CEP128: variants seen among roughly 807,000 people sequenced by gnomAD.
CEP128 encodes the protein centrosomal protein 128kDa.
CEP128 carries 132 observed loss-of-function variants against 156.7 expected under a neutral mutation model. The ratio of observed to expected loss-of-function variants is 0.84; its 90% CI spans 0.73 to 0.97. The LOEUF is 0.97. Ranked by LOEUF, CEP128 falls within the 50% of genes least tolerant of loss-of-function variation. The probability of loss-of-function intolerance (pLI) is 0.00; values close to 1 mark genes in which losing one functional copy is unlikely to be tolerated. For synonymous variants in CEP128, 469 were observed against 448.9 expected, an observed-to-expected ratio of 1.04 and a Z score of -0.57; for missense variants, 1,252 against 1,281.9, an observed-to-expected ratio of 0.98 and a Z score of 0.36.
chr14:80,769,137 C>T (rs327468), intron 16 of CEP128, among the ~76,000 whole-genome samples: 7,032 of 151,590 alleles, frequency 0.046, 535 homozygotes, highest in African/African-American at 0.16. Context: ...GCATTTGGAA[C>T]GAACATTGTT....
intron 2 of CEP128, among the ~76,000 whole-genome samples, chr14:80,935,106 T>G (rs963425771): frequency 6.6e-6 from 1 of 152,174 alleles, no homozygotes; most frequent in African/African-American, 2.4e-5. Flanking sequence ...GCAAGAAGAC[T>G]ATTTCCGAAA....
chr14:80,552,742 T>C (rs1211933557), intron 21 of CEP128, among the ~76,000 whole-genome samples: 1 of 152,216 alleles, frequency 6.6e-6, no homozygotes, highest in Non-Finnish European at 1.5e-5. Context: ...TTTTGTCCCT[T>C]TTAAAAGCTT....
intron 9 of CEP128, among the ~76,000 whole-genome samples, chr14:80,858,742 G>C (rs953495696): frequency 6.6e-6 from 1 of 151,602 alleles, no homozygotes; most frequent in Middle Eastern, 3.2e-3. Context: ...CGAAGGACAT[G>C]AACAGACACT....
intron 23 of CEP128, among the ~76,000 whole-genome samples, chr14:80,509,714 A>G (rs1888154629): frequency 6.6e-6 from 1 of 152,152 alleles, no homozygotes; most frequent in East Asian, 1.9e-4. Flanking sequence ...GCACGATCCA[A>G]TATCCTGGAG....
At chr14:80,671,940 T>A (rs1895860717) in intron 19 of CEP128, among the ~76,000 whole-genome samples, 1 of 152,100 alleles carries the variant, frequency 6.6e-6, no homozygotes, top group East Asian at 1.9e-4. Flanking sequence ...AAAATTATCC[T>A]CACATATCAA....
At chr14:80,940,991 A>G (rs1232625492) in intron 1 of CEP128, among the ~76,000 whole-genome samples, 2 of 152,234 alleles carry the variant, frequency 1.3e-5, no homozygotes, top group Non-Finnish European at 2.9e-5. Context: ...CGCCTACATA[A>G]CAGATTGGCT....
intron 19 of CEP128, among the ~76,000 whole-genome samples, chr14:80,728,996 C>T (rs1383923387): frequency 6.7e-6 from 1 of 150,304 alleles, no homozygotes; most frequent in African/African-American, 2.5e-5. Flanking sequence ...TCAGAATCTC[C>T]TTTTGCTGCC....
At chr14:80,496,261 C>T (rs1887491050), downstream of CEP128, among the ~76,000 whole-genome samples, 1 of 152,114 alleles carries the variant, frequency 6.6e-6, no homozygotes, top group Non-Finnish European at 1.5e-5. Flanking sequence ...AAATGCATAG[C>T]TATACTCTCA....
At chr14:80,548,521 C>A (rs1459666891) in intron 21 of CEP128, among the ~76,000 whole-genome samples, 1 of 152,070 alleles carries the variant, frequency 6.6e-6, no homozygotes, top group Non-Finnish European at 1.5e-5. Context: ...GAGCTTTCAC[C>A]CAGATAGGCT....
chr14:80,633,916 T>C (rs983382316), intron 19 of CEP128, among the ~76,000 whole-genome samples: 6 of 152,320 alleles, frequency 3.9e-5, no homozygotes, highest in Middle Eastern at 3.4e-3. Flanking sequence ...CATCAAGAGC[T>C]ATGTACAGGG....
Position 80,817,472 on chromosome 14 carries a change from A to G in CEP128, c.1209+13671T>C, listed in dbSNP as rs149757138. Among the ~76,000 whole-genome samples the G allele has an allele frequency of 1.4e-3, 208 of 152,342 alleles. 1 individual carries two copies. The highest frequency in any genetic ancestry group is 4.0e-3 in the African/African-American group (168 of 41,572). On this transcript the variant is annotated intron_variant, in intron 13 of 24. Coordinates refer to ENST00000555265, the MANE Select transcript of CEP128 (RefSeq NM_152446.5). ...AAATATGTTCAAAAAACTAAAGAAA[A>G]ACATTTTTTTAAAATGTAAGATAAT...
chr14:80,942,536 C>T (rs1886211140), upstream of CEP128, among the ~76,000 whole-genome samples: 1 of 152,166 alleles, frequency 6.6e-6, no homozygotes. Context: ...AAGACCACTT[C>T]CCCTTCCTTC....
chr14:80,622,291 G>T (rs888354384), intron 19 of CEP128, among the ~76,000 whole-genome samples: 7 of 151,986 alleles, frequency 4.6e-5, no homozygotes, highest in Non-Finnish European at 7.4e-5. Flanking sequence ...CCTCTCCCCT[G>T]CCAGCCTCCT....
At chr14:80,935,931 G>C (rs957716579) in intron 2 of CEP128, among the ~76,000 whole-genome samples, 3 of 152,122 alleles carry the variant, frequency 2.0e-5, no homozygotes, top group African/African-American at 7.2e-5. Flanking sequence ...ACTTCCAAAA[G>C]TTAACTTGCC....
At chr14:80,581,440 A>G (rs1891588977) in intron 19 of CEP128, among the ~76,000 whole-genome samples, 1 of 152,200 alleles carries the variant, frequency 6.6e-6, no homozygotes, top group Non-Finnish European at 1.5e-5. Flanking sequence ...CATATAGTAG[A>G]GTGACAAAGT....
intron 19 of CEP128, among the ~76,000 whole-genome samples, chr14:80,662,125 T>C (rs541625986): frequency 2.6e-5 from 4 of 152,280 alleles, no homozygotes; most frequent in Admixed American, 6.5e-5. Flanking sequence ...CAAATGACCC[T>C]GTATCAGAGT....
At chr14:80,707,965 A>G (rs1417969413) in intron 19 of CEP128, among the ~76,000 whole-genome samples, 2 of 152,168 alleles carry the variant, frequency 1.3e-5, no homozygotes, top group African/African-American at 4.8e-5. Context: ...TAGGTATAGT[A>G]CCCTCATTTC....
intron 19 of CEP128, among the ~76,000 whole-genome samples, chr14:80,596,848 G>C (rs1327169982): frequency 8.3e-6 from 1 of 119,836 alleles, no homozygotes. Context: ...AAAAAGGTGG[G>C]GGGGGGAGGA....
chr14:80,546,752 G>T (rs562235573), intron 21 of CEP128, among the ~76,000 whole-genome samples: 29 of 152,218 alleles, frequency 1.9e-4, no homozygotes, highest in Admixed American at 5.2e-4. Flanking sequence ...CATCACAAAA[G>T]CTCCAGAAAA....
Sources: gnomAD v4.1 joint callset for allele counts (sites outside exome capture counted in the v4.1 genomes callset) on GRCh38, gnomAD v4.1.1 for gene constraint, MANE v1.5 for transcripts, NCBI Gene and HGNC (gene_info 2026-07-23, HGNC 2026-07-21) for gene names.